Variants in MECOM observed in about 807,000 individuals in gnomAD.
The protein encoded by MECOM is histone-lysine N-methyltransferase MECOM.
MECOM carries 13 observed loss-of-function variants against 116.3 expected under a neutral mutation model. The ratio of observed to expected loss-of-function variants is 0.11; its 90% CI spans 0.07 to 0.18. The LOEUF is 0.18. Ranked by LOEUF, MECOM falls within the 10% of genes least tolerant of loss-of-function variation. MECOM has a pLI of 1.00. For synonymous variants in MECOM, 528 were observed against 535.2 expected (o/e 0.99, Z 0.19); for missense variants, 1,299 against 1,509.0 (o/e 0.86, Z 2.31).
intron 2 of MECOM, among the ~76,000 whole-genome samples, chr3:169,259,155 C>T (rs1428607358): frequency 1.3e-5 from 2 of 152,014 alleles, no homozygotes; most frequent in Non-Finnish European, 2.9e-5. Context: ...GCCAAGGTGG[C>T]CAAGACAGAA....
rs549251138 is a variant in MECOM at position 169,585,836 on chromosome 3, C to G, written c.37+77500G>C. 4.6e-5 allele frequency among the ~76,000 whole-genome samples: 7 copies of G among 152,276 alleles called. No individual in the cohort carries two copies. In the South Asian group the frequency reaches 1.5e-3, roughly 32 times the overall value. ...ATAAATGAATGATTGCCATTCAATA[C>G]ACTTCTTGAGGGCTATTTAGGAATA... On this transcript the variant is annotated intron_variant, in intron 1 of 16. Transcript: ENST00000651503.
chr3:169,329,280 G>A (rs978111816), intron 2 of MECOM, among the ~76,000 whole-genome samples: 2 of 152,132 alleles, frequency 1.3e-5, no homozygotes, highest in Admixed American at 6.5e-5. Flanking sequence ...AGTCTATCAG[G>A]TGGCCCAGAA....
intron 1 of MECOM, among the ~76,000 whole-genome samples, chr3:169,401,211 T>C (rs1735838027): frequency 3.3e-5 from 5 of 152,136 alleles, no homozygotes; most frequent in Admixed American, 3.3e-4. Context: ...ATCCCTCCCC[T>C]TAGCTTCCAT....
chr3:169,147,360 C>T (rs1740221607), intron 2 of MECOM: 6 of 985,364 alleles, frequency 6.1e-6, no homozygotes, highest in Non-Finnish European at 7.2e-6. Flanking sequence ...CAAGCTCAGC[C>T]GCCGGGTTTC....
intron 2 of MECOM, among the ~76,000 whole-genome samples, chr3:169,360,633 T>C (rs962425569): frequency 4.6e-5 from 7 of 151,756 alleles, no homozygotes; most frequent in African/African-American, 1.7e-4. Flanking sequence ...TTATTCTCAG[T>C]GACTCACAGC....
At chr3:169,323,925 C>T (rs1448063212) in intron 2 of MECOM, among the ~76,000 whole-genome samples, 1 of 152,064 alleles carries the variant, frequency 6.6e-6, no homozygotes, top group African/African-American at 2.4e-5. Context: ...AAAAAGCCTC[C>T]TTGGCTATTT....
chr3:169,601,801 A>T (rs1445325224), intron 1 of MECOM, among the ~76,000 whole-genome samples: 2 of 152,228 alleles, frequency 1.3e-5, no homozygotes, highest in Non-Finnish European at 2.9e-5. Flanking sequence ...AAAACTGCAC[A>T]AATTCCAAAA....
At chr3:169,345,699 T>C (rs1725234213) in intron 2 of MECOM, among the ~76,000 whole-genome samples, 1 of 152,168 alleles carries the variant, frequency 6.6e-6, no homozygotes, top group Non-Finnish European at 1.5e-5. Flanking sequence ...CTTTTGTACA[T>C]GCAAGTTAGG....
chr3:169,138,227 G>A (rs1736966268), intron 3 of MECOM, among the ~76,000 whole-genome samples: 1 of 152,012 alleles, frequency 6.6e-6, no homozygotes. Flanking sequence ...TGAATGAAAG[G>A]CGATATATAC....
chr3:169,346,159 G>GA (rs892774145), intron 2 of MECOM, among the ~76,000 whole-genome samples: 28 of 151,326 alleles, frequency 1.9e-4, no homozygotes, highest in Non-Finnish European at 3.7e-4. Flanking sequence ...TTTAGGGAAG[G>GA]AAAAAAAACA....
intron 1 of MECOM, among the ~76,000 whole-genome samples, chr3:169,485,851 A>G (rs991345255): frequency 2.3e-5 from 3 of 129,198 alleles, no homozygotes; most frequent in South Asian, 2.3e-4. Context: ...GTGTGTGTGT[A>G]TATACCATAT....
At chr3:169,563,873 G>C (rs1179584463) in intron 1 of MECOM, among the ~76,000 whole-genome samples, 4 of 152,146 alleles carry the variant, frequency 2.6e-5, no homozygotes, top group Non-Finnish European at 4.4e-5. Flanking sequence ...GAAATGTCAA[G>C]TGTAGGTGCT....
At chr3:169,512,688 T>C (rs1756124964) in intron 1 of MECOM, among the ~76,000 whole-genome samples, 1 of 152,206 alleles carries the variant, frequency 6.6e-6, no homozygotes, top group Non-Finnish European at 1.5e-5. Flanking sequence ...AATGAATCAA[T>C]GAATGAATAA....
chr3:169,608,335 T>G (rs553326476), intron 1 of MECOM, among the ~76,000 whole-genome samples: 1 of 152,286 alleles, frequency 6.6e-6, no homozygotes, highest in South Asian at 2.1e-4. Context: ...CCTATGAGCA[T>G]CCCTAGTTTG....
intron 1 of MECOM, among the ~76,000 whole-genome samples, chr3:169,505,070 T>C (rs1755031387): frequency 6.6e-6 from 1 of 152,138 alleles, no homozygotes; most frequent in African/African-American, 2.4e-5. Flanking sequence ...GTTGCATGAA[T>C]AGCAGAGATT....
At chr3:169,636,224 A>G (rs954213960) in intron 1 of MECOM, among the ~76,000 whole-genome samples, 1 of 152,180 alleles carries the variant, frequency 6.6e-6, no homozygotes, top group Non-Finnish European at 1.5e-5. Context: ...TCACCCTGCC[A>G]ATTTTCATCA....
chr3:169,410,272 A>G (rs1413095435), intron 1 of MECOM, among the ~76,000 whole-genome samples: 6 of 152,238 alleles, frequency 3.9e-5, no homozygotes, highest in African/African-American at 9.6e-5. Context: ...ATACTTTTGG[A>G]GAACTTTGTG....
chr3:169,154,851 C>A (rs1458281421), intron 2 of MECOM, among the ~76,000 whole-genome samples: 3 of 152,060 alleles, frequency 2.0e-5, no homozygotes, highest in African/African-American at 7.2e-5. Context: ...TAGATAAAAT[C>A]TTATCTATAC....
chr3:169,467,271 CA>C (rs1346961058), intron 1 of MECOM, among the ~76,000 whole-genome samples: 4 of 152,014 alleles, frequency 2.6e-5, no homozygotes, highest in African/African-American at 9.7e-5. Context: ...AACAATAGCA[CA>C]GGGCAAGAGT....
Sources: gnomAD v4.1 joint callset for allele counts (sites outside exome capture counted in the v4.1 genomes callset) on GRCh38, gnomAD v4.1.1 for gene constraint, MANE v1.5 for transcripts, NCBI Gene and HGNC (gene_info 2026-07-23, HGNC 2026-07-21) for gene names.